The following GUCY1A2 variants were observed in gnomAD, a reference collection of about 807,000 sequenced individuals.
GUCY1A2 encodes the protein guanylate cyclase soluble subunit alpha-2.
GUCY1A2 carries 27 observed loss-of-function variants against 63.5 expected under a neutral mutation model. The observed-to-expected ratio is 0.43, with a 90% CI of 0.31 to 0.59. The LOEUF (loss-of-function observed/expected upper bound fraction) is 0.59, where lower values mean the gene tolerates loss of function less well. GUCY1A2 is among the 20% of genes least tolerant of loss of function. GUCY1A2 has a pLI of 0.11. For missense variants in GUCY1A2, 768 were observed against 913.3 expected (o/e 0.84, Z 2.05); for synonymous variants, 364 against 343.5 (o/e 1.06, Z -0.66).
chr11:107,006,461 T>C (rs1235355086), intron 1 of GUCY1A2, among the ~76,000 whole-genome samples: 2 of 152,212 alleles, frequency 1.3e-5, no homozygotes, highest in African/African-American at 4.8e-5. Flanking sequence ...TGTGCATGTA[T>C]ATATACAAAT....
intron 4 of GUCY1A2, among the ~76,000 whole-genome samples, chr11:106,855,892 A>ATTTTCT (rs1277246984): frequency 3.3e-5 from 1 of 29,924 alleles, no homozygotes; most frequent in Admixed American, 4.9e-4. Context: ...GGTCTCTTGT[A>ATTTTCT]TTTTATTTAT....
chr11:106,762,704 G>A (rs893257680), intron 6 of GUCY1A2, among the ~76,000 whole-genome samples: 3 of 152,018 alleles, frequency 2.0e-5, no homozygotes, highest in Admixed American at 2.0e-4. Flanking sequence ...GTGTCCCTCT[G>A]AAAATATTTT....
chr11:106,787,822 T>C (rs1864591341), intron 5 of GUCY1A2, among the ~76,000 whole-genome samples: 1 of 152,012 alleles, frequency 6.6e-6, no homozygotes, highest in Non-Finnish European at 1.5e-5. Context: ...TCTTGGCTAT[T>C]GTGAAGGGTA....
chr11:106,827,208 A>T, intron 4 of GUCY1A2: 1 of 1,519,634 alleles, frequency 6.6e-7, no homozygotes, highest in Non-Finnish European at 9.1e-7. Context: ...TGCCTACATT[A>T]TCTGATTTAG....
At chr11:106,997,838 C>T (rs1263485387) in intron 1 of GUCY1A2, among the ~76,000 whole-genome samples, 1 of 152,028 alleles carries the variant, frequency 6.6e-6, no homozygotes, top group African/African-American at 2.4e-5. Flanking sequence ...CTGGGTGAAT[C>T]TAAGTGGGAT....
chr11:106,922,617 T>G (rs1434493094), intron 4 of GUCY1A2, among the ~76,000 whole-genome samples: 1 of 142,018 alleles, frequency 7.0e-6, no homozygotes, highest in Non-Finnish European at 1.5e-5. Context: ...ATTGTCCTTA[T>G]TATAATTACT....
At chr11:106,709,288 T>C (rs1187307292) in intron 6 of GUCY1A2, among the ~76,000 whole-genome samples, 4 of 55,034 alleles carry the variant, frequency 7.3e-5, no homozygotes, top group African/African-American at 1.4e-4. Flanking sequence ...TAAATTTATA[T>C]ATATTTATAT....
chr11:106,895,824 T>C, intron 4 of GUCY1A2, among the ~76,000 whole-genome samples: 1 of 151,852 alleles, frequency 6.6e-6, no homozygotes, highest in South Asian at 2.1e-4. Context: ...GACTGATATA[T>C]CTTATAACAT....
At chr11:106,920,150 TA>T (rs5794504) in intron 4 of GUCY1A2, among the ~76,000 whole-genome samples, 5 of 151,242 alleles carry the variant, frequency 3.3e-5, no homozygotes, top group African/African-American at 9.7e-5. Flanking sequence ...GGAACGCCAT[TA>T]AAAAAAACCA....
intron 3 of GUCY1A2, among the ~76,000 whole-genome samples, chr11:106,978,048 CA>C (rs2120116665): frequency 6.6e-6 from 1 of 152,216 alleles, no homozygotes; most frequent in Non-Finnish European, 1.5e-5. Flanking sequence ...CTGCAATTTA[CA>C]ACAGTACCTT....
chr11:106,763,819 ATTTTTC>A (rs1212031351), intron 6 of GUCY1A2, among the ~76,000 whole-genome samples: 1 of 152,062 alleles, frequency 6.6e-6, no homozygotes, highest in Non-Finnish European at 1.5e-5. Flanking sequence ...ATTTGACTAC[ATTTTTC>A]TTTTTCAATC....
chr11:106,711,047 A>G (rs1232946606), intron 6 of GUCY1A2, among the ~76,000 whole-genome samples: 2 of 152,158 alleles, frequency 1.3e-5, no homozygotes, highest in South Asian at 4.1e-4. Flanking sequence ...AATTGACTCT[A>G]AAATTTATTT....
At chr11:106,904,238 T>C (rs967211417) in intron 4 of GUCY1A2, among the ~76,000 whole-genome samples, 2 of 152,108 alleles carry the variant, frequency 1.3e-5, no homozygotes, top group African/African-American at 2.4e-5. Flanking sequence ...AGCAGCAAAA[T>C]ATATATAGGA....
At chr11:106,973,927 T>A (rs1386944392) in intron 3 of GUCY1A2, among the ~76,000 whole-genome samples, 1 of 152,124 alleles carries the variant, frequency 6.6e-6, no homozygotes, top group African/African-American at 2.4e-5. Context: ...TTTAATCGTC[T>A]TGGCAACTCT....
At chr11:106,797,978 G>A (rs1488195822) in intron 5 of GUCY1A2, among the ~76,000 whole-genome samples, 1 of 152,144 alleles carries the variant, frequency 6.6e-6, no homozygotes, top group Admixed American at 6.5e-5. Context: ...GAATCCAGGA[G>A]CTGGTTTTTT....
chr11:106,958,211 T>C (rs1354172342), intron 3 of GUCY1A2, among the ~76,000 whole-genome samples: 2 of 152,174 alleles, frequency 1.3e-5, no homozygotes, highest in East Asian at 1.9e-4. Flanking sequence ...TAGTATAACA[T>C]TGATTCATGA....
At chr11:107,005,511 C>T (rs1861659886) in intron 1 of GUCY1A2, among the ~76,000 whole-genome samples, 1 of 152,112 alleles carries the variant, frequency 6.6e-6, no homozygotes, top group African/African-American at 2.4e-5. Context: ...CGGGCTCAAG[C>T]GATCCTCCCA....
chr11:106,939,080 T>C (rs1266030769), intron 4 of GUCY1A2, among the ~76,000 whole-genome samples: 2 of 152,222 alleles, frequency 1.3e-5, no homozygotes, highest in Admixed American at 6.5e-5. Context: ...TTAGCATATG[T>C]ATTTAAAGAT....
chr11:106,825,958 G>A (rs1227505068), intron 4 of GUCY1A2, among the ~76,000 whole-genome samples: 3 of 152,002 alleles, frequency 2.0e-5, no homozygotes, highest in South Asian at 4.2e-4. Flanking sequence ...ATTAGCAAAC[G>A]AGATATTGCT....
Sources: gnomAD v4.1 joint callset for allele counts (sites outside exome capture counted in the v4.1 genomes callset) on GRCh38, gnomAD v4.1.1 for gene constraint, MANE v1.5 for transcripts, NCBI Gene and HGNC (gene_info 2026-07-23, HGNC 2026-07-21) for gene names.